AFAP1: variants seen among roughly 807,000 people sequenced by gnomAD.
AFAP1 encodes the protein actin filament-associated protein 1.
Under a neutral mutation model 93.9 loss-of-function variants are expected in AFAP1, and 75 were observed. That is an observed-to-expected ratio of 0.80 (90% CI 0.66 to 0.97). The LOEUF (loss-of-function observed/expected upper bound fraction) is 0.97, where lower values mean the gene tolerates loss of function less well. Ranked by LOEUF, AFAP1 falls within the 50% of genes least tolerant of loss-of-function variation. The pLI, the probability that AFAP1 is intolerant of heterozygous loss-of-function variation, is 0.00. For missense variants in AFAP1, 1,201 were observed against 1,050.8 expected, an observed-to-expected ratio of 1.14 and a Z score of -1.98; for synonymous variants, 517 against 430.7, an observed-to-expected ratio of 1.20 and a Z score of -2.48.
intron 6 of AFAP1, among the ~76,000 whole-genome samples, chr4:7,822,579 CTTTTTTCT>C (rs1363099918): frequency 1.3e-4 from 14 of 106,136 alleles, no homozygotes; most frequent in Admixed American, 1.0e-4. Flanking sequence ...CTTTCTTTTT[CTTTTTTCT>C]TTTTTTTTTT....
chr4:7,815,630 C>T (rs949146297), intron 8 of AFAP1, among the ~76,000 whole-genome samples: 3 of 152,146 alleles, frequency 2.0e-5, no homozygotes, highest in Admixed American at 6.5e-5. Flanking sequence ...TTTCTTGCCT[C>T]ATTATCCAAA....
At position 7,838,634 on chromosome 4, in the gene AFAP1, T is replaced by G. The variant is rs1195672747; in HGVS notation, c.616A>C (p.Ile206Leu). Residue 206 changes from isoleucine (I) to leucine (L), a missense_variant, in exon 6 of 18, where the codon ATC becomes CTC. Coordinates refer to ENST00000420658, the MANE Select transcript of AFAP1 (RefSeq NM_001134647.2). ...TTCTTCTTTTTGCTGTCTTTCGGGATGTACGTAATGTTACAGCCTTGGAGT... is the reference window on the plus strand; with the variant it reads ...TTCTTCTTTTTGCTGTCTTTCGGGAGGTACGTAATGTTACAGCCTTGGAGT... Reference protein sequence around the residue: ...LPLQGCNITYIPKDSKKKKHE... With the variant: ...LPLQGCNITYLPKDSKKKKHE... The G allele has an allele frequency of 1.9e-6, 3 of 1,614,028 alleles. No individual in the cohort carries two copies. The highest frequency in any genetic ancestry group is 1.6e-4 in the Middle Eastern group (1 of 6,084).
intron 1 of AFAP1, among the ~76,000 whole-genome samples, chr4:7,910,453 A>T (rs1345616665): frequency 2.0e-5 from 3 of 152,244 alleles, no homozygotes; most frequent in Non-Finnish European, 4.4e-5. Flanking sequence ...AGGTGATATC[A>T]AGGAATTTAT....
At chr4:7,780,171 A>G (rs1716610506) in intron 13 of AFAP1, among the ~76,000 whole-genome samples, 1 of 152,226 alleles carries the variant, frequency 6.6e-6, no homozygotes, top group African/African-American at 2.4e-5. Flanking sequence ...ATAAGTCCTC[A>G]AAAGAGGCCA....
At chr4:7,830,559 T>C (rs1228115913) in intron 6 of AFAP1, among the ~76,000 whole-genome samples, 1 of 152,198 alleles carries the variant, frequency 6.6e-6, no homozygotes, top group Admixed American at 6.5e-5. Flanking sequence ...TAAAGTATCA[T>C]TTACCTTGAA....
At chr4:7,859,507 G>C (rs576147390) in intron 3 of AFAP1, among the ~76,000 whole-genome samples, 2 of 152,262 alleles carry the variant, frequency 1.3e-5, no homozygotes, top group Admixed American at 1.3e-4. Flanking sequence ...CCTCCTCAGA[G>C]AATGACTGAT....
rs1719840043 is a variant in AFAP1, at chr4:7,809,692, T to C, written c.976A>G (p.Lys326Glu). 1.2e-6 allele frequency: 2 copies of C among 1,614,188 alleles called. No individual in the cohort carries two copies. ...TTTTTCTTTCCCAGACTGATGATCT[T>C]GGTGATTTTTTTCCCAGTGACTTTC... is the stretch of plus-strand genomic sequence containing the variant. ...VSKVTGKKIT[K>E]IISLGKKKPS... The change falls in exon 9 of 18, where the codon AAG (lysine) becomes GAG (glutamate). Residue 326 changes from lysine to glutamate, a missense_variant. Coordinates refer to ENST00000420658, the MANE Select transcript of AFAP1 (RefSeq NM_001134647.2).
chr4:7,890,831 A>G (rs36106793), intron 1 of AFAP1, among the ~76,000 whole-genome samples: 17,437 of 152,148 alleles, frequency 0.11, 1,164 homozygotes, highest in Non-Finnish European at 0.16. Flanking sequence ...GAATCCTCCC[A>G]CTTTCCCGGT....
At chr4:7,798,886 T>C in intron 10 of AFAP1, 2 of 989,044 alleles carry the variant, frequency 2.0e-6, no homozygotes, top group Non-Finnish European at 2.4e-6. Flanking sequence ...TCCCTCTTCA[T>C]TCCTGTATCT....
intron 1 of AFAP1, among the ~76,000 whole-genome samples, chr4:7,874,441 G>T (rs1333349798): frequency 7.5e-6 from 1 of 133,436 alleles, no homozygotes; most frequent in Non-Finnish European, 1.5e-5. Context: ...TCGGCTCACT[G>T]CAAGTTCTGC....
chr4:7,767,381 T>C (rs1714757280), intron 17 of AFAP1, among the ~76,000 whole-genome samples: 1 of 152,184 alleles, frequency 6.6e-6, no homozygotes, highest in African/African-American at 2.4e-5. Context: ...CCAATTTCTT[T>C]GATGATAAAG....
chr4:7,895,257 G>A (rs62289358), intron 1 of AFAP1, among the ~76,000 whole-genome samples: 14,074 of 152,218 alleles, frequency 0.092, 847 homozygotes, highest in East Asian at 0.25. Context: ...CTCTAAAAAC[G>A]AGGATCATCA....
chr4:7,922,563 T>C (rs927244787), intron 1 of AFAP1, among the ~76,000 whole-genome samples: 1 of 152,164 alleles, frequency 6.6e-6, no homozygotes, highest in Admixed American at 6.5e-5. Flanking sequence ...AGAACAGGGC[T>C]TAGGCAACAA....
chr4:7,788,320 C>T (rs1717506584), intron 11 of AFAP1, among the ~76,000 whole-genome samples: 1 of 152,196 alleles, frequency 6.6e-6, no homozygotes, highest in African/African-American at 2.4e-5. Context: ...AAGTGAAGCC[C>T]GCCTCTTTGG....
In AFAP1 at chr4:7,844,282, AAGAG is replaced by A. The variant is rs146569362; in HGVS notation, c.335-936_335-933del. ...CCCATAGGTCTGGTGGTCTTTTAAG[AAGAG>A]AGAGAGAGAGAGAGAGCTCTGTCCC... On this transcript the variant is annotated intron_variant, in intron 4 of 17. Transcript: ENST00000420658. 9.2e-3 allele frequency among the ~76,000 whole-genome samples: 1,377 copies of A among 148,964 alleles called. 15 individuals carry two copies. The highest frequency in any genetic ancestry group is 0.061 in the South Asian group (288 of 4,690).
chr4:7,917,656 A>G (rs1258956278), intron 1 of AFAP1, among the ~76,000 whole-genome samples: 1 of 152,188 alleles, frequency 6.6e-6, no homozygotes, highest in Non-Finnish European at 1.5e-5. Flanking sequence ...CGTACCTCTC[A>G]CTACAACTCA....
At chr4:7,831,268 C>T (rs779774214) in intron 6 of AFAP1, among the ~76,000 whole-genome samples, 1 of 151,866 alleles carries the variant, frequency 6.6e-6, no homozygotes, top group African/African-American at 2.4e-5. Context: ...ATTCCTGTAC[C>T]ATTATATGTA....
At chr4:7,904,639 T>C (rs1180885538) in intron 1 of AFAP1, among the ~76,000 whole-genome samples, 4 of 152,318 alleles carry the variant, frequency 2.6e-5, no homozygotes, top group Non-Finnish European at 4.4e-5. Flanking sequence ...TCACAGGTTA[T>C]TTAGTAACTT....
chr4:7,924,319 T>C (rs1720602746), intron 1 of AFAP1, among the ~76,000 whole-genome samples: 1 of 152,122 alleles, frequency 6.6e-6, no homozygotes, highest in Non-Finnish European at 1.5e-5. Flanking sequence ...TAAACTACAC[T>C]GATGAAGTGG....
Sources: gnomAD v4.1 joint callset for allele counts (sites outside exome capture counted in the v4.1 genomes callset) on GRCh38, gnomAD v4.1.1 for gene constraint, MANE v1.5 for transcripts, NCBI Gene and HGNC (gene_info 2026-07-23, HGNC 2026-07-21) for gene names.